The following KLHL22 variants were observed in gnomAD, a reference collection of about 807,000 sequenced individuals.
KLHL22 encodes the protein kelch like family member 22, also known as kelch-like protein 22.
A neutral mutation model predicts 60.7 loss-of-function variants in KLHL22; 18 were observed. That is an observed-to-expected ratio of 0.30 (90% confidence interval 0.20 to 0.44). The LOEUF (loss-of-function observed/expected upper bound fraction) is 0.44, where lower values mean the gene tolerates loss of function less well. KLHL22 is among the 20% of genes least tolerant of loss of function. KLHL22 has a pLI of 1.00. For missense variants in KLHL22, 596 were observed against 852.3 expected, an observed-to-expected ratio of 0.70 and a Z score of 3.74; for synonymous variants, 355 against 354.5, an observed-to-expected ratio of 1.00 and a Z score of -0.01.
chr22:20,483,130 C>T lies in KLHL22; in HGVS notation c.227+5855G>A. 5 of 634,412 alleles carry T rather than the reference C, an allele frequency of 7.9e-6. No homozygotes were observed. In the South Asian group the frequency reaches 8.5e-5, roughly 11 times the overall value. 39.3% of individuals were successfully genotyped at this position (634,412 alleles called of 1,614,324 possible). A position where few individuals can be genotyped will look rare whatever the true frequency, so the allele number is the denominator to read the frequency against. ...TCTACAGGGCATAGAAGGCCTCCAC[C>T]TCCCTGAGGCTGTTCTACAAGCTGG... On this transcript the variant is annotated intron_variant, in intron 2 of 6. Coordinates refer to ENST00000328879, the MANE Select transcript of KLHL22 (RefSeq NM_032775.4).
rs569830137 is a variant in KLHL22, at chr22:20,489,080, C to A, written c.132G>T (p.Arg44=). Residue 44 remains arginine, a synonymous_variant, in exon 2 of 7, where the codon CGG becomes CGT. Transcript: ENST00000328879. ...CAACATCGAAGAGGATTCCGCTGTCCCGGAGAGCCAGCAGCCCTCGGAGCA... is the reference window on the plus strand; with the variant it reads ...CAACATCGAAGAGGATTCCGCTGTCACGGAGAGCCAGCAGCCCTCGGAGCA... ...QALLRGLLAL[R]DSGILFDVVL... The A allele has an allele frequency of 6.2e-7, 1 of 1,614,106 alleles. No homozygotes were observed. Among genetic ancestry groups the A allele is most frequent in the African/African-American group, 1.3e-5 (1 of 75,046 alleles).
chr22:20,493,540 G>C (rs1033470083), intron 1 of KLHL22, among the ~76,000 whole-genome samples: 1 of 152,224 alleles, frequency 6.6e-6, no homozygotes, highest in Non-Finnish European at 1.5e-5. Flanking sequence ...CCAACACTTC[G>C]GGAGGCTGAG....
At chr22:20,469,024 G>A (rs1234734720) in intron 3 of KLHL22, among the ~76,000 whole-genome samples, 1 of 152,204 alleles carries the variant, frequency 6.6e-6, no homozygotes, top group Non-Finnish European at 1.5e-5. Context: ...GGCACTGGGG[G>A]AGATGACCCA....
chr22:20,445,125 T>C (rs1392696162), intron 6 of KLHL22, among the ~76,000 whole-genome samples: 1 of 151,838 alleles, frequency 6.6e-6, no homozygotes. Flanking sequence ...GCAGAAAACA[T>C]ACACGGTCAA....
intron 4 of KLHL22, among the ~76,000 whole-genome samples, chr22:20,458,615 AT>A (rs1449976127): frequency 6.6e-6 from 1 of 151,576 alleles, no homozygotes; most frequent in Admixed American, 6.6e-5. Flanking sequence ...GGGCCTCCAA[AT>A]ACAGCCTCTC....
chr22:20,474,251 G>A (rs62219866), intron 2 of KLHL22, among the ~76,000 whole-genome samples: 29,913 of 151,876 alleles, frequency 0.2, 3,827 homozygotes, highest in Non-Finnish European at 0.29. Context: ...TGCCTGCCTC[G>A]GCCTCCCAAA....
intron 2 of KLHL22, among the ~76,000 whole-genome samples, chr22:20,476,231 G>A (rs533695566): frequency 2.0e-5 from 3 of 152,200 alleles, no homozygotes; most frequent in African/African-American, 7.2e-5. Context: ...ACTTTCCCAT[G>A]CTCTTTACAG....
At chr22:20,451,949 A>G in intron 5 of KLHL22, 7 of 831,110 alleles carry the variant, frequency 8.4e-6, no homozygotes, top group Non-Finnish European at 1.3e-5. Flanking sequence ...GCACCAGTGC[A>G]GTGATGATTG....
At chr22:20,480,461 A>G (rs898103195) in intron 2 of KLHL22, among the ~76,000 whole-genome samples, 7 of 152,192 alleles carry the variant, frequency 4.6e-5, no homozygotes, top group Non-Finnish European at 8.8e-5. Context: ...GGCCATCTCT[A>G]CTGCTGGTGC....
At chr22:20,449,065 GTTTGTTTTT>G (rs1229390905) in intron 5 of KLHL22, among the ~76,000 whole-genome samples, 1 of 142,024 alleles carries the variant, frequency 7.0e-6, no homozygotes, top group Non-Finnish European at 1.6e-5. Context: ...GTTTTGTTTT[GTTTGTTTTT>G]TTTTGAGACA....
chr22:20,485,349 G>C (rs1297892285), intron 2 of KLHL22, among the ~76,000 whole-genome samples: 1 of 152,104 alleles, frequency 6.6e-6, no homozygotes, highest in Non-Finnish European at 1.5e-5. Context: ...ATTAACAAAA[G>C]TCAAAAAAAG....
chr22:20,464,691 T>A (rs543649615), intron 4 of KLHL22, among the ~76,000 whole-genome samples, 167 bp downstream of exon 4: 1 of 152,306 alleles, frequency 6.6e-6, no homozygotes, highest in African/African-American at 2.4e-5. Flanking sequence ...CCCCTTCTCT[T>A]ATCTCACTGC....
At position 20,465,625 on chromosome 22, in the gene KLHL22, T is replaced by TG. The variant is rs764242721; in HGVS notation, c.394-50dup. On this transcript the variant is annotated intron_variant, in intron 3 of 6. Coordinates refer to ENST00000328879, the MANE Select transcript of KLHL22 (RefSeq NM_032775.4). This position sits in a 1 kb window ranked among gnomAD's most constrained non-coding sequence, Gnocchi z 4.9. ...CAAGCCTGGGCTGGTGAACAGCATC[T>TG]GGGGGTGGGAGAGAGAATGATGGCA... The TG allele has an allele frequency of 8.7e-6, 8 of 918,762 alleles. No individual in the cohort carries two copies. Among genetic ancestry groups the TG allele is most frequent in the Admixed American group, 3.4e-5 (2 of 58,998 alleles). 56.9% of individuals were successfully genotyped at this position (918,762 alleles called of 1,614,324 possible). A position where few individuals can be genotyped will look rare whatever the true frequency, so the allele number is the denominator to read the frequency against.
At chr22:20,470,884 A>T (rs181665908) in intron 3 of KLHL22, among the ~76,000 whole-genome samples, 1 of 152,092 alleles carries the variant, frequency 6.6e-6, no homozygotes, top group East Asian at 1.9e-4. Context: ...GGATGGATGG[A>T]TGGACAGACA....
chr22:20,444,431 T>C (rs1281931621), intron 6 of KLHL22, among the ~76,000 whole-genome samples: 2 of 152,144 alleles, frequency 1.3e-5, no homozygotes, highest in Admixed American at 6.6e-5. Context: ...AGAAAACTAA[T>C]GTGCTGGCCC....
intron 1 of KLHL22, among the ~76,000 whole-genome samples, chr22:20,493,962 C>T (rs976925627): frequency 6.6e-6 from 1 of 151,778 alleles, no homozygotes; most frequent in African/African-American, 2.4e-5. Flanking sequence ...ACTGGGAAGG[C>T]TGAGGAAGGG....
intron 3 of KLHL22, among the ~76,000 whole-genome samples, chr22:20,468,821 G>A (rs1024819441): frequency 1.3e-5 from 2 of 152,008 alleles, no homozygotes; most frequent in Non-Finnish European, 2.9e-5. Context: ...CACCATGCCC[G>A]GCTATTTTTA....
At chr22:20,478,547 C>T (rs1187450074) in intron 2 of KLHL22, among the ~76,000 whole-genome samples, 58 of 82,376 alleles carry the variant, frequency 7.0e-4, no homozygotes, top group Non-Finnish European at 1.0e-3. Flanking sequence ...TGGAGTCTTG[C>T]TTTGTCACCC....
chr22:20,485,130 G>A (rs2053564461), intron 2 of KLHL22, among the ~76,000 whole-genome samples: 2 of 152,200 alleles, frequency 1.3e-5, no homozygotes, highest in East Asian at 1.9e-4. Context: ...GTTCAGCTAA[G>A]CAGTCTTTTA....
Sources: allele counts gnomAD v4.1 joint callset (sites outside exome capture counted in the v4.1 genomes callset), GRCh38; gene constraint gnomAD v4.1.1; non-coding constraint Gnocchi (gnomAD v3.1); transcripts MANE v1.5; gene names NCBI Gene and HGNC (gene_info 2026-07-23, HGNC 2026-07-21).